Variants in ADAMTS19 observed in about 807,000 individuals in gnomAD.
The protein encoded by ADAMTS19 is A disintegrin and metalloproteinase with thrombospondin motifs 19.
A neutral mutation model predicts 153.3 loss-of-function variants in ADAMTS19; 93 were observed. That is an observed-to-expected ratio of 0.61 (90% CI 0.51 to 0.72). The LOEUF is 0.72. Among genes scored for constraint, ADAMTS19 ranks in the 30% least tolerant of loss-of-function variants. The probability of loss-of-function intolerance (pLI) is 0.00; values close to 1 mark genes in which losing one functional copy is unlikely to be tolerated. For synonymous variants in ADAMTS19, 600 were observed against 556.6 expected (o/e 1.08, Z -1.10); for missense variants, 1,482 against 1,552.1 (o/e 0.95, Z 0.76).
intron 17 of ADAMTS19, among the ~76,000 whole-genome samples, chr5:129,683,598 G>A (rs777725501): frequency 2.4e-4 from 37 of 151,842 alleles, no homozygotes; most frequent in South Asian, 2.1e-4. Context: ...GAAATTCTCT[G>A]CCCTTATGAA....
In ADAMTS19 at chr5:129,648,874, G is replaced by A. The variant is rs143261141; in HGVS notation, c.2080G>A (p.Gly694Ser). 5.9e-5 allele frequency: 95 copies of A among 1,613,912 alleles called. No individual in the cohort carries two copies. Among genetic ancestry groups the A allele is most frequent in the Non-Finnish European group, 7.1e-5 (84 of 1,179,892 alleles). Reference sequence around the variant, plus strand: ...ATGTGAGAATCCACCTTGTCCTGCAGGTTTGCCTGGATTCAGAGACTGGCA... The same window carrying A: ...ATGTGAGAATCCACCTTGTCCTGCAAGTTTGCCTGGATTCAGAGACTGGCA... Reference protein sequence around the residue: ...RICENPPCPAGLPGFRDWQCQ... With the variant: ...RICENPPCPASLPGFRDWQCQ... Residue 694 changes from glycine (G) to serine (S), a missense_variant, in exon 13 of 23, where the codon GGT becomes AGT. By Grantham distance (56) the Gly-to-Ser change is moderately conservative. Coordinates refer to ENST00000274487, the MANE Select transcript of ADAMTS19 (RefSeq NM_133638.6).
intron 18 of ADAMTS19, 127 bp from the exon 19 acceptor site, chr5:129,694,588 TAATAA>T (rs1363974938): frequency 3.1e-5 from 14 of 456,572 alleles, no homozygotes; most frequent in Non-Finnish European, 4.2e-5. Context: ...CAATAAAATT[TAATAA>T]AATAAAAATT....
intron 4 of ADAMTS19, among the ~76,000 whole-genome samples, chr5:129,527,433 C>T (rs1752051100): frequency 1.3e-5 from 2 of 150,342 alleles, no homozygotes; most frequent in South Asian, 2.1e-4. Flanking sequence ...CTCCTGAGCA[C>T]TCCTCTAAAA....
chr5:129,468,901 G>A (rs180838722), intron 2 of ADAMTS19, among the ~76,000 whole-genome samples: 160 of 151,572 alleles, frequency 1.1e-3, no homozygotes, highest in Middle Eastern at 3.4e-3. Flanking sequence ...CTCAGCCTCC[G>A]AAGTAGCTGA....
chr5:129,578,077 CACATATATACATATACAT>C lies in ADAMTS19; in HGVS notation c.1373-18474_1373-18457del, dbSNP rs1368306121. ...ACACACACACACACACACACACACA[CACATATATACATATACAT>C]ACATATACATATGCATGTATATGTA... On this transcript the variant is annotated intron_variant, in intron 7 of 22. Coordinates refer to ENST00000274487, the MANE Select transcript of ADAMTS19 (RefSeq NM_133638.6). 4.3e-4 allele frequency among the ~76,000 whole-genome samples: 46 copies of C among 107,834 alleles called. 3 individuals are homozygous for C. Among genetic ancestry groups the C allele is most frequent in the Non-Finnish European group, 8.2e-4 (37 of 45,126 alleles). The allele number at this position is 107,834 out of a possible 152,430, so 70.7% of individuals were successfully genotyped here. A position where few individuals can be genotyped will look rare whatever the true frequency, so the allele number is the denominator to read the frequency against.
At chr5:129,539,095 A>G (rs1213141691) in intron 6 of ADAMTS19, among the ~76,000 whole-genome samples, 4 of 152,038 alleles carry the variant, frequency 2.6e-5, no homozygotes, top group Non-Finnish European at 5.9e-5. Flanking sequence ...TATGTTATTT[A>G]TTGTGGGAGG....
chr5:129,582,174 G>T (rs1158135947), intron 7 of ADAMTS19, among the ~76,000 whole-genome samples: 1 of 147,844 alleles, frequency 6.8e-6, no homozygotes, highest in South Asian at 2.2e-4. Flanking sequence ...CTGTCTCATT[G>T]ATCTAGTATT....
intron 17 of ADAMTS19, among the ~76,000 whole-genome samples, chr5:129,682,439 GTC>G (rs948488523): frequency 6.5e-4 from 99 of 152,272 alleles, no homozygotes; most frequent in African/African-American, 2.3e-3. Flanking sequence ...TGTAGCCAAT[GTC>G]TCTGTTTTAA....
rs552370443 is a variant in ADAMTS19 at position 129,658,398 on chromosome 5, G to A, written c.2305-219G>A. On this transcript the variant is annotated intron_variant, in intron 14 of 22. Transcript: ENST00000274487. ...GAGAGGAAGGAAGGAAGGTAGGTAGGTTATCTCTCATCACTATCTTGGTAA... is the reference window on the plus strand; with the variant it reads ...GAGAGGAAGGAAGGAAGGTAGGTAGATTATCTCTCATCACTATCTTGGTAA... Among the ~76,000 whole-genome samples, 3 of 149,170 alleles carry A rather than the reference G, an allele frequency of 2.0e-5. No homozygotes were observed. In the South Asian group the frequency reaches 6.4e-4, roughly 32 times the overall value.
intron 7 of ADAMTS19, among the ~76,000 whole-genome samples, chr5:129,557,623 A>C (rs1300857819): frequency 1.3e-5 from 2 of 152,048 alleles, no homozygotes; most frequent in Admixed American, 1.3e-4. Context: ...TAAAATAAAA[A>C]TAAAATAAAA....
chr5:129,707,771 T>C (rs1266444846), intron 21 of ADAMTS19, among the ~76,000 whole-genome samples: 1 of 152,208 alleles, frequency 6.6e-6, no homozygotes, highest in East Asian at 1.9e-4. Flanking sequence ...AAGTCTGCCC[T>C]ATTTTTAAAG....
Position 129,679,643 on chromosome 5 carries a change from G to C in ADAMTS19, c.2507-121G>C, listed in dbSNP as rs148511589. ...AAGAGCTGCCTCAAGTTTTACATCA[G>C]GGAATGTTGATCCATTTGTTTGTAA... On this transcript the variant is annotated intron_variant, in intron 16 of 22. Coordinates refer to ENST00000274487, the MANE Select transcript of ADAMTS19 (RefSeq NM_133638.6). 863 of 921,720 alleles carry C rather than the reference G, an allele frequency of 9.4e-4. 7 individuals carry two copies. In the African/African-American group the frequency reaches 0.014, roughly 15 times the overall value. 57.1% of individuals were successfully genotyped at this position (921,720 alleles called of 1,614,324 possible). A position where few individuals can be genotyped will look rare whatever the true frequency, so the allele number is the denominator to read the frequency against.
Position 129,546,129 on chromosome 5 carries a change from C to T in ADAMTS19, c.1329-5735C>T, listed in dbSNP as rs868250303. Among the ~76,000 whole-genome samples the T allele has an allele frequency of 1.3e-3, 194 of 148,508 alleles. 5 individuals are homozygous for T. Among genetic ancestry groups the T allele is most frequent in the Admixed American group, 3.2e-3 (48 of 15,008 alleles). On this transcript the variant is annotated intron_variant, in intron 6 of 22. Coordinates refer to ENST00000274487, the MANE Select transcript of ADAMTS19 (RefSeq NM_133638.6). ...GAAATCATCATTCTCAGTAAACTATCGCAAGAACAAAAAACCAAACACCGC... is the reference window on the plus strand; with the variant it reads ...GAAATCATCATTCTCAGTAAACTATTGCAAGAACAAAAAACCAAACACCGC...
chr5:129,653,452 T>C (rs1389450947), intron 13 of ADAMTS19, among the ~76,000 whole-genome samples: 2 of 152,158 alleles, frequency 1.3e-5, no homozygotes, highest in African/African-American at 4.8e-5. Flanking sequence ...GGCAAGTGTT[T>C]TAACCCCAAA....
chr5:129,475,325 GA>G (rs1750190079), intron 2 of ADAMTS19, among the ~76,000 whole-genome samples: 1 of 151,972 alleles, frequency 6.6e-6, no homozygotes, highest in South Asian at 2.1e-4. Flanking sequence ...ACCATTTGTT[GA>G]AAATACCATA....
At position 129,522,974 on chromosome 5, in the gene ADAMTS19, A is replaced by T. The variant is rs146855257; in HGVS notation, c.914-3310A>T. Among the ~76,000 whole-genome samples the T allele has an allele frequency of 4.9e-3, 742 of 151,800 alleles. 4 individuals carry two copies. The highest frequency in any genetic ancestry group is 6.8e-3 in the Non-Finnish European group (460 of 67,910). Reference sequence around the variant, plus strand: ...GAGAGGCAGAGGCAGGAGAATCACGAGAACCCAGAGGCAGAGGTTGAAGTG... The same window carrying T: ...GAGAGGCAGAGGCAGGAGAATCACGTGAACCCAGAGGCAGAGGTTGAAGTG... On this transcript the variant is annotated intron_variant, in intron 3 of 22. Coordinates refer to ENST00000274487, the MANE Select transcript of ADAMTS19 (RefSeq NM_133638.6).
chr5:129,674,643 T>G (rs1357259606), intron 16 of ADAMTS19, among the ~76,000 whole-genome samples: 1 of 152,178 alleles, frequency 6.6e-6, no homozygotes, highest in Non-Finnish European at 1.5e-5. Context: ...TTATACCACT[T>G]TATATATAAT....
At chr5:129,683,993 GCAA>G (rs1190952245) in intron 17 of ADAMTS19, 124 bp from the exon 18 acceptor site, 121 of 1,003,926 alleles carry the variant, frequency 1.2e-4, no homozygotes, top group South Asian at 3.5e-4. Flanking sequence ...GTCCACAACA[GCAA>G]CAACAACAAC....
At chr5:129,525,181 T>C (rs1432444360) in intron 3 of ADAMTS19, among the ~76,000 whole-genome samples, 2 of 152,262 alleles carry the variant, frequency 1.3e-5, no homozygotes, top group East Asian at 3.9e-4. Context: ...AGATCATTGA[T>C]TAATAGGTAT....
Sources: gnomAD v4.1 joint callset for allele counts (sites outside exome capture counted in the v4.1 genomes callset) on GRCh38, gnomAD v4.1.1 for gene constraint, MANE v1.5 for transcripts, NCBI Gene and HGNC (gene_info 2026-07-23, HGNC 2026-07-21) for gene names.